The following GPATCH2 variants were observed in gnomAD, a reference collection of about 807,000 sequenced individuals.
GPATCH2 encodes G-patch domain containing 2.
Under a neutral mutation model 58.0 loss-of-function variants are expected in GPATCH2, and 51 were observed. That is an observed-to-expected ratio of 0.88 (90% CI 0.70 to 1.11). The LOEUF (loss-of-function observed/expected upper bound fraction) is 1.11. GPATCH2 is among the 50% of genes most tolerant of loss of function. The probability of loss-of-function intolerance (pLI) is 0.00; values close to 1 mark genes in which losing one functional copy is unlikely to be tolerated. For missense variants in GPATCH2, 625 were observed against 652.2 expected (o/e 0.96, Z 0.45); for synonymous variants, 222 against 218.5 (o/e 1.02, Z -0.14).
At chr1:217,565,136 T>A (rs1666153846) in intron 5 of GPATCH2, among the ~76,000 whole-genome samples, 1 of 152,184 alleles carries the variant, frequency 6.6e-6, no homozygotes, top group Admixed American at 6.5e-5. Flanking sequence ...GAGATTTTAG[T>A]CACTGAATTA....
chr1:217,431,421 T>C lies in GPATCH2; in HGVS notation c.1367-56A>G, dbSNP rs1211644751. 2.3e-5 allele frequency: 23 copies of C among 1,008,242 alleles called. 1 individual carries two copies. The highest frequency in any genetic ancestry group is 3.3e-5 in the Non-Finnish European group (21 of 629,622). The allele number at this position is 1,008,242 out of a possible 1,614,324, so 62.5% of individuals were successfully genotyped here. On this transcript the variant is annotated intron_variant, in intron 9 of 9. Transcript: ENST00000366935. ...TCAGTATGAACACAGGTGAAGATAT[T>C]AGGCTATGAAAACGATGTTCTCCTA...
intron 5 of GPATCH2, among the ~76,000 whole-genome samples, chr1:217,599,479 A>G (rs1174105282): frequency 6.6e-6 from 1 of 152,152 alleles, no homozygotes; most frequent in Non-Finnish European, 1.5e-5. Context: ...GCAAGAGTGG[A>G]GGCAGACAAA....
At chr1:217,444,261 G>T (rs1659277609) in intron 9 of GPATCH2, among the ~76,000 whole-genome samples, 1 of 152,180 alleles carries the variant, frequency 6.6e-6, no homozygotes, top group Admixed American at 6.5e-5. Flanking sequence ...GTTCTGACTT[G>T]ATAAGGAGAC....
chr1:217,577,650 G>A, intron 5 of GPATCH2, among the ~76,000 whole-genome samples: 1 of 152,092 alleles, frequency 6.6e-6, no homozygotes, highest in South Asian at 2.1e-4. Flanking sequence ...GAATTCCTGA[G>A]GTACTAACAG....
intron 5 of GPATCH2, among the ~76,000 whole-genome samples, chr1:217,604,515 T>C (rs1250760082): frequency 6.6e-6 from 1 of 152,150 alleles, no homozygotes. Context: ...TCCCAAAATG[T>C]CTTATGGATA....
At chr1:217,456,082 A>C (rs1659929513) in intron 8 of GPATCH2, among the ~76,000 whole-genome samples, 1 of 152,038 alleles carries the variant, frequency 6.6e-6, no homozygotes, top group Non-Finnish European at 1.5e-5. Context: ...AAAGCCCGGC[A>C]TTTACCATCC....
intron 5 of GPATCH2, among the ~76,000 whole-genome samples, chr1:217,590,010 G>GGTCT (rs1667516931): frequency 6.6e-6 from 1 of 151,264 alleles, no homozygotes; most frequent in Non-Finnish European, 1.5e-5. Context: ...GAGAAACTAT[G>GGTCT]GTCTGTACAA....
At chr1:217,432,112 T>C (rs1227259733) in intron 9 of GPATCH2, among the ~76,000 whole-genome samples, 1 of 151,982 alleles carries the variant, frequency 6.6e-6, no homozygotes, top group African/African-American at 2.4e-5. Flanking sequence ...ACAATTCCCT[T>C]CATAGGCCTC....
chr1:217,463,401 C>G (rs1383243519), intron 8 of GPATCH2, among the ~76,000 whole-genome samples: 3 of 151,788 alleles, frequency 2.0e-5, no homozygotes, highest in Non-Finnish European at 2.9e-5. Flanking sequence ...ATATCGCATT[C>G]AAGGTAAGAA....
chr1:217,434,423 C>A (rs919657207), intron 9 of GPATCH2, among the ~76,000 whole-genome samples: 11 of 152,108 alleles, frequency 7.2e-5, no homozygotes, highest in Non-Finnish European at 5.9e-5. Flanking sequence ...CCAGGACAGA[C>A]CTCCAAGGTA....
intron 7 of GPATCH2, among the ~76,000 whole-genome samples, chr1:217,495,964 T>C (rs1431435614): frequency 2.0e-5 from 3 of 152,180 alleles, no homozygotes; most frequent in African/African-American, 7.2e-5. Context: ...GTAGGGTTAA[T>C]ATTATTGTTT....
chr1:217,507,752 A>T (rs1225391010), intron 6 of GPATCH2, among the ~76,000 whole-genome samples: 1 of 152,176 alleles, frequency 6.6e-6, no homozygotes, highest in Non-Finnish European at 1.5e-5. Flanking sequence ...AAAGGGCATT[A>T]CTTATACCCT....
chr1:217,617,150 T>A (rs560854224), intron 2 of GPATCH2, among the ~76,000 whole-genome samples: 1 of 152,300 alleles, frequency 6.6e-6, no homozygotes, highest in Non-Finnish European at 1.5e-5. Context: ...CCAAACTATT[T>A]ACCATAGCAG....
At chr1:217,449,181 T>C (rs2102469039) in intron 9 of GPATCH2, 68 bp downstream of exon 9, 2 of 844,716 alleles carry the variant, frequency 2.4e-6, no homozygotes, top group East Asian at 4.8e-5. Flanking sequence ...AAGAAGTATC[T>C]ACATTTTATT....
In GPATCH2 at chr1:217,620,227, T is replaced by C. The variant is rs1180407436; in HGVS notation, c.329A>G (p.Asn110Ser). ...SKDYRENHNNNKKDHSDSDDQ... is the reference protein window; with the variant it reads ...SKDYRENHNNSKKDHSDSDDQ... ...ATCAGAGTCACTGTGATCTTTTTTA[T>C]TATTATTGTGATTCTCTCTATAGTC... The change falls in exon 2 of 10, where the codon AAT (asparagine) becomes AGT (serine). Residue 110 changes from asparagine (N) to serine (S), a missense_variant. Coordinates refer to ENST00000366935, the MANE Select transcript of GPATCH2 (RefSeq NM_018040.5). 5.0e-6 allele frequency: 8 copies of C among 1,613,846 alleles called. No homozygotes were observed. The Admixed American group carries it at 1.3e-4, about 27-fold the overall frequency.
chr1:217,550,108 G>C (rs979287329), intron 5 of GPATCH2, among the ~76,000 whole-genome samples: 4 of 151,944 alleles, frequency 2.6e-5, no homozygotes, highest in Admixed American at 2.6e-4. Flanking sequence ...AAGACTTTGA[G>C]GCAGCATGAT....
intron 2 of GPATCH2, among the ~76,000 whole-genome samples, chr1:217,615,398 G>T (rs1019045544): frequency 6.6e-6 from 1 of 151,830 alleles, no homozygotes; most frequent in African/African-American, 2.4e-5. Context: ...TTGTACAATT[G>T]GTAATGAAAA....
rs140144459 is a variant in GPATCH2 at position 217,614,733 on chromosome 1, C to T, written c.774-531G>A. 1.3e-3 allele frequency among the ~76,000 whole-genome samples: 195 copies of T among 145,934 alleles called. 3 individuals are homozygous for T. In the East Asian group the frequency reaches 0.034, roughly 25 times the overall value. On this transcript the variant is annotated intron_variant, in intron 2 of 9. Coordinates refer to ENST00000366935, the MANE Select transcript of GPATCH2 (RefSeq NM_018040.5). ...TTTGCAAGGAATAAAAAGTTTAAAA[C>T]GGTGATAATCCATTATATCGAAGTT...
intron 8 of GPATCH2, among the ~76,000 whole-genome samples, chr1:217,484,791 C>A (rs1182954836): frequency 2.0e-5 from 3 of 149,000 alleles, no homozygotes; most frequent in African/African-American, 7.4e-5. Context: ...TATCTATATC[C>A]CATATAGATA....
Sources: gnomAD v4.1 joint callset for allele counts (sites outside exome capture counted in the v4.1 genomes callset) on GRCh38, gnomAD v4.1.1 for gene constraint, MANE v1.5 for transcripts, NCBI Gene and HGNC (gene_info 2026-07-23, HGNC 2026-07-21) for gene names.